ZFP82: variants seen among roughly 807,000 people sequenced by gnomAD.
The protein encoded by ZFP82 is zinc finger protein 82 homolog.
ZFP82 carries 30 observed loss-of-function variants against 54.0 expected under a neutral mutation model. The ratio of observed to expected loss-of-function variants is 0.56; its 90% confidence interval spans 0.42 to 0.75. The LOEUF (loss-of-function observed/expected upper bound fraction) is 0.75, where lower values mean the gene tolerates loss of function less well. Ranked by LOEUF, ZFP82 falls within the 30% of genes least tolerant of loss-of-function variation. The pLI, the probability that ZFP82 is intolerant of heterozygous loss-of-function variation, is 0.00. For synonymous variants in ZFP82, 194 were observed against 209.5 expected, an observed-to-expected ratio of 0.93 and a Z score of 0.64; for missense variants, 500 against 636.8, an observed-to-expected ratio of 0.79 and a Z score of 2.31.
intron 3 of ZFP82, among the ~76,000 whole-genome samples, chr19:36,407,070 TTTTC>T (rs1306701617): frequency 7.2e-6 from 1 of 138,198 alleles, no homozygotes; most frequent in East Asian, 2.1e-4. Context: ...AGATTTTTAA[TTTTC>T]TTTTTTTTTT....
chr19:36,409,559 G>A (rs1321516186), intron 2 of ZFP82, among the ~76,000 whole-genome samples: 2 of 152,294 alleles, frequency 1.3e-5, no homozygotes, highest in African/African-American at 4.8e-5. Flanking sequence ...AGAAGACTGA[G>A]CACATATAGG....
In ZFP82 at chr19:36,393,443, C is replaced by T; in HGVS notation, c.897G>A (p.Arg299=). 3.1e-6 allele frequency: 5 copies of T among 1,613,390 alleles called. No homozygotes were observed. The African/African-American group carries it at 6.7e-5, about 22-fold the overall frequency. ...KAFRQYAHLT[R]HQKLNSADRL... is the part of the protein sequence containing the mutation. Reference sequence around the variant, plus strand: ...TGTCAGCACTATTAAGCTTCTGATGCCGAGTCAGGTGTGCGTACTGTCTAA... The same window carrying T: ...TGTCAGCACTATTAAGCTTCTGATGTCGAGTCAGGTGTGCGTACTGTCTAA... The change falls in exon 5 of 5, where the codon CGG becomes CGA. Residue 299 remains arginine, a synonymous_variant. Coordinates refer to ENST00000392161, the MANE Select transcript of ZFP82 (RefSeq NM_133466.4).
At chr19:36,398,537 CA>C (rs145968955) in intron 4 of ZFP82, among the ~76,000 whole-genome samples, 79,577 of 131,414 alleles carry the variant, frequency 0.61, 21,987 homozygotes, top group Admixed American at 0.66. Flanking sequence ...AACTCCATCT[CA>C]AAAAAAAAAA....
intron 3 of ZFP82, among the ~76,000 whole-genome samples, chr19:36,407,499 T>C (rs1313314774): frequency 6.6e-6 from 1 of 152,272 alleles, no homozygotes; most frequent in Admixed American, 6.5e-5. Flanking sequence ...ACATAAATCA[T>C]ATGTATTATT....
At chr19:36,413,946 G>C (rs916465439) in intron 1 of ZFP82, among the ~76,000 whole-genome samples, 2 of 150,096 alleles carry the variant, frequency 1.3e-5, no homozygotes, top group Non-Finnish European at 3.0e-5. Flanking sequence ...TGTTACCCAG[G>C]CTGGAGTGCA....
At chr19:36,404,728 C>CTT (rs1300172247) in intron 4 of ZFP82, among the ~76,000 whole-genome samples, 1 of 152,222 alleles carries the variant, frequency 6.6e-6, no homozygotes, top group Non-Finnish European at 1.5e-5. Context: ...ACATTTCTGT[C>CTT]TTACCCTCTC....
chr19:36,392,551 A>G lies in ZFP82; in HGVS notation c.*190T>C, dbSNP rs988636584. The G allele has an allele frequency of 1.1e-5, 6 of 537,488 alleles. No homozygotes were observed. Among genetic ancestry groups the G allele is most frequent in the East Asian group, 3.0e-5 (1 of 32,990 alleles). The allele number at this position is 537,488 out of a possible 1,614,324, so 33.3% of individuals were successfully genotyped here. A position where few individuals can be genotyped will look rare whatever the true frequency, so the allele number is the denominator to read the frequency against. On this transcript the variant is annotated 3_prime_UTR_variant, in exon 5 of 5. Transcript: ENST00000392161. The stretch of plus-strand genomic sequence containing the variant: ...GACGGTAAATGTCTTTTTCATTCTT[A>G]TAACAGGATTAGTTTTTAGAACAAA...
At chr19:36,400,313 ACT>A (rs1337214205) in intron 4 of ZFP82, among the ~76,000 whole-genome samples, 1 of 152,210 alleles carries the variant, frequency 6.6e-6, no homozygotes, top group Non-Finnish European at 1.5e-5. Flanking sequence ...CAACCATCTT[ACT>A]TTGTTGATAC....
intron 4 of ZFP82, among the ~76,000 whole-genome samples, chr19:36,396,990 G>T (rs1383897971): frequency 6.7e-6 from 1 of 149,550 alleles, no homozygotes; most frequent in Admixed American, 6.6e-5. Context: ...TTCAAAAAAA[G>T]AAAATAAAAT....
At position 36,393,682 on chromosome 19, in the gene ZFP82, G is replaced by A; in HGVS notation, c.658C>T (p.His220Tyr). 2 of 1,614,118 alleles carry A rather than the reference G, an allele frequency of 1.2e-6. No individual in the cohort carries two copies. The highest frequency in any genetic ancestry group is 1.7e-6 in the Non-Finnish European group (2 of 1,180,016). The change falls in exon 5 of 5, where the codon CAT becomes TAT. Residue 220 changes from histidine to tyrosine, a missense_variant. Coordinates refer to ENST00000392161, the MANE Select transcript of ZFP82 (RefSeq NM_133466.4). ...CATTCATAGAGTTTTTCACCAGAAT[G>A]AAGTCTCTGATGTCGAGTAAGGTGT... ...TAHLTRHQRL[H>Y]SGEKLYECKE...
chr19:36,396,532 T>C (rs1487346563), intron 4 of ZFP82, among the ~76,000 whole-genome samples: 2 of 151,978 alleles, frequency 1.3e-5, no homozygotes, highest in African/African-American at 2.4e-5. Flanking sequence ...GTCAGGCACC[T>C]GTAGTCCCAG....
downstream of ZFP82, among the ~76,000 whole-genome samples, chr19:36,385,079 A>C (rs534442210): frequency 6.7e-6 from 1 of 148,786 alleles, no homozygotes; most frequent in East Asian, 2.0e-4. Context: ...TCCCCAATGC[A>C]ACAATATTAA....
At chr19:36,411,983 T>G (rs2032588819) in intron 1 of ZFP82, among the ~76,000 whole-genome samples, 1 of 152,166 alleles carries the variant, frequency 6.6e-6, no homozygotes, top group South Asian at 2.1e-4. Context: ...TGGAAATATG[T>G]TCAGTACAGT....
At chr19:36,411,858 C>A (rs2032586033) in intron 1 of ZFP82, among the ~76,000 whole-genome samples, 1 of 117,448 alleles carries the variant, frequency 8.5e-6, no homozygotes. Context: ...GAGCAAGACC[C>A]CGTCTCAAAA....
At chr19:36,401,689 C>A (rs12975393) in intron 4 of ZFP82, among the ~76,000 whole-genome samples, 1 of 152,172 alleles carries the variant, frequency 6.6e-6, no homozygotes, top group African/African-American at 2.4e-5. Context: ...ACAAGCAGCC[C>A]GTGGCTTTCA....
downstream of ZFP82, among the ~76,000 whole-genome samples, chr19:36,388,128 T>C (rs1246839340): frequency 6.6e-6 from 1 of 152,212 alleles, no homozygotes; most frequent in African/African-American, 2.4e-5. Context: ...AAAATCTGGA[T>C]ACATATTTAA....
rs751174419 is a variant in ZFP82, at chr19:36,401,524, C to T, written c.229+4056G>A. On this transcript the variant is annotated intron_variant, in intron 4 of 4. Transcript: ENST00000392161. Reference sequence around the variant, plus strand: ...TCCTATCAGCATGTTCTTTTGACAGCGCCTTCATACACATCATGAGCCTAA... The same window carrying T: ...TCCTATCAGCATGTTCTTTTGACAGTGCCTTCATACACATCATGAGCCTAA... 3.2e-4 allele frequency among the ~76,000 whole-genome samples: 49 copies of T among 152,266 alleles called. 1 individual carries two copies. Among genetic ancestry groups the T allele is most frequent in the African/African-American group, 1.1e-3 (47 of 41,562 alleles).
chr19:36,413,016 T>C (rs976701413), intron 1 of ZFP82, among the ~76,000 whole-genome samples: 8 of 152,230 alleles, frequency 5.3e-5, no homozygotes, highest in Admixed American at 1.3e-4. Context: ...GAGTACTTTA[T>C]AAATGTCTCA....
chr19:36,405,541 C>T (rs1437605490), intron 4 of ZFP82, 39 bp downstream of exon 4: 1 of 1,484,308 alleles, frequency 6.7e-7, no homozygotes, highest in Middle Eastern at 1.8e-4. Flanking sequence ...TCTGGGGTTC[C>T]CTGTGTTGAT....
Sources: allele counts gnomAD v4.1 joint callset (sites outside exome capture counted in the v4.1 genomes callset), GRCh38; gene constraint gnomAD v4.1.1; transcripts MANE v1.5; gene names NCBI Gene and HGNC (gene_info 2026-07-23, HGNC 2026-07-21).